Variants in CDK13 observed in about 807,000 individuals in gnomAD.
CDK13 encodes the protein cyclin-dependent kinase 13.
In CDK13, 40 loss-of-function variants were observed where a neutral mutation model predicts 137.6. The ratio of observed to expected loss-of-function variants is 0.29; its 90% CI spans 0.23 to 0.38. The LOEUF is 0.38. CDK13 is among the 10% of genes least tolerant of loss of function. The pLI is 1.00. For missense variants in CDK13, 1,704 were observed against 1,951.8 expected (o/e 0.87, Z 2.39); for synonymous variants, 869 against 760.1 (o/e 1.14, Z -2.36).
chr7:39,969,730 A>G (rs1411999524), intron 1 of CDK13, among the ~76,000 whole-genome samples: 1 of 151,236 alleles, frequency 6.6e-6, no homozygotes, highest in Non-Finnish European at 1.5e-5. Context: ...TTGGTATCTC[A>G]TTGTGGTTTT....
At chr7:40,089,713 AGAGAGAGAGAGT>A (rs1319772365) in intron 12 of CDK13, among the ~76,000 whole-genome samples, 2 of 142,628 alleles carry the variant, frequency 1.4e-5, no homozygotes, top group African/African-American at 5.7e-5. Context: ...AGAGAGAGAG[AGAGAGAGAGAGT>A]GTGTGTGTGT....
At chr7:39,980,669 A>G (rs1784205363) in intron 1 of CDK13, among the ~76,000 whole-genome samples, 1 of 152,222 alleles carries the variant, frequency 6.6e-6, no homozygotes, top group Non-Finnish European at 1.5e-5. Context: ...TGTCATCCAG[A>G]AAGTTCCATT....
At chr7:40,084,550 T>C (rs1471163850) in intron 11 of CDK13, among the ~76,000 whole-genome samples, 2 of 152,198 alleles carry the variant, frequency 1.3e-5, no homozygotes, top group Admixed American at 6.5e-5. Flanking sequence ...AAAGTATATA[T>C]AGCTGGAAAG....
chr7:40,010,857 G>A (rs1281065248), intron 5 of CDK13, among the ~76,000 whole-genome samples: 1 of 152,124 alleles, frequency 6.6e-6, no homozygotes, highest in African/African-American at 2.4e-5. Flanking sequence ...GAAATTGATT[G>A]TTCTGTATAC....
intron 1 of CDK13, chr7:39,985,746 A>G (rs1784323734): frequency 6.6e-6 from 1 of 152,224 alleles, no homozygotes; most frequent in African/African-American, 2.4e-5. Context: ...ATCTTATAAG[A>G]GACTTTAATG....
At chr7:39,988,893 C>T (rs144388474) in intron 2 of CDK13, among the ~76,000 whole-genome samples, 5,950 of 151,658 alleles carry the variant, frequency 0.039, 348 homozygotes, top group African/African-American at 0.13. Context: ...ACCAGCCTGG[C>T]CAACATGGTG....
rs753491080 is a variant in CDK13, at chr7:40,093,140, G to A, written c.3591G>A (p.Lys1197=). 1.2e-6 allele frequency: 2 copies of A among 1,614,174 alleles called. No homozygotes were observed. The highest frequency in any genetic ancestry group is 1.7e-6 in the Non-Finnish European group (2 of 1,180,020). ...LTQLIKAQQS[K]QKDVLLEERE... Reference sequence around the variant, plus strand: ...AGTTAATAAAGGCTCAGCAGTCAAAGCAGAAAGATGTGCTACTAGAAGAGA... The same window carrying A: ...AGTTAATAAAGGCTCAGCAGTCAAAACAGAAAGATGTGCTACTAGAAGAGA... Residue 1197 remains lysine (K), a synonymous_variant, in exon 13 of 14, where the codon AAG becomes AAA. Transcript: ENST00000181839.
intron 1 of CDK13, among the ~76,000 whole-genome samples, chr7:39,964,158 C>T (rs989542455): frequency 8.5e-5 from 13 of 152,176 alleles, no homozygotes; most frequent in African/African-American, 3.1e-4. Context: ...AGGGTTCCCT[C>T]TTTTTCTATT....
intron 5 of CDK13, among the ~76,000 whole-genome samples, chr7:40,015,365 A>T (rs1044085750): frequency 3.3e-5 from 5 of 152,178 alleles, no homozygotes; most frequent in African/African-American, 1.2e-4. Context: ...GAGCACTAGA[A>T]ATATGTGCTC....
chr7:40,014,037 A>G (rs1179372743), intron 5 of CDK13, among the ~76,000 whole-genome samples: 2 of 146,876 alleles, frequency 1.4e-5, no homozygotes, highest in Non-Finnish European at 3.0e-5. Context: ...GGCATTTGAT[A>G]GGCAAAAAAT....
intron 5 of CDK13, among the ~76,000 whole-genome samples, chr7:40,003,016 C>T (rs565598840): frequency 4.6e-5 from 7 of 151,976 alleles, no homozygotes; most frequent in Admixed American, 3.9e-4. Flanking sequence ...GAGATAGAGG[C>T]TTCAGTGAGC....
intron 5 of CDK13, among the ~76,000 whole-genome samples, chr7:40,011,427 CATT>C (rs1215097495): frequency 6.6e-6 from 1 of 152,148 alleles, no homozygotes; most frequent in Non-Finnish European, 1.5e-5. Context: ...GTGGTACTGG[CATT>C]ATGATAAACG....
chr7:40,064,379 T>G (rs1034915777), intron 9 of CDK13, among the ~76,000 whole-genome samples: 1 of 151,630 alleles, frequency 6.6e-6, no homozygotes, highest in South Asian at 2.1e-4. Flanking sequence ...TTTCAAAATA[T>G]ATATGAAGTT....
At chr7:40,065,823 C>A (rs970161892) in intron 9 of CDK13, among the ~76,000 whole-genome samples, 13 of 152,054 alleles carry the variant, frequency 8.5e-5, no homozygotes, top group African/African-American at 2.9e-4. Flanking sequence ...ATGATCTGGT[C>A]TTGGGTTTAT....
chr7:39,955,199 G>GT (rs1365486385), intron 1 of CDK13, among the ~76,000 whole-genome samples: 2 of 152,066 alleles, frequency 1.3e-5, no homozygotes, highest in Non-Finnish European at 2.9e-5. Context: ...CGTTTGTAGT[G>GT]TTTTACTGTG....
intron 9 of CDK13, among the ~76,000 whole-genome samples, chr7:40,075,644 G>A (rs142188219): frequency 1.3e-5 from 2 of 152,222 alleles, no homozygotes; most frequent in East Asian, 3.9e-4. Context: ...TTTGACCGAT[G>A]TCAGACAAGA....
At chr7:39,964,718 G>A (rs1200468480) in intron 1 of CDK13, among the ~76,000 whole-genome samples, 1 of 151,484 alleles carries the variant, frequency 6.6e-6, no homozygotes, top group Non-Finnish European at 1.5e-5. Flanking sequence ...GTAATGTTAG[G>A]GTGTCAATTT....
intron 5 of CDK13, among the ~76,000 whole-genome samples, chr7:40,018,445 G>C (rs1364270689): frequency 6.6e-6 from 1 of 152,114 alleles, no homozygotes; most frequent in Non-Finnish European, 1.5e-5. Context: ...ATATCAGAAA[G>C]ACACGTGCAT....
intron 9 of CDK13, among the ~76,000 whole-genome samples, chr7:40,065,497 A>G (rs751113547): frequency 1.3e-5 from 2 of 152,234 alleles, no homozygotes; most frequent in East Asian, 1.9e-4. Context: ...AAAAAATCTC[A>G]TAATATTTTA....
Sources: gnomAD v4.1 joint callset for allele counts (sites outside exome capture counted in the v4.1 genomes callset) on GRCh38, gnomAD v4.1.1 for gene constraint, MANE v1.5 for transcripts, NCBI Gene and HGNC (gene_info 2026-07-23, HGNC 2026-07-21) for gene names.